Variants in GUCY2F observed in about 807,000 individuals in gnomAD.
GUCY2F encodes the protein retinal guanylyl cyclase 2.
A neutral mutation model predicts 73.1 loss-of-function variants in GUCY2F; 61 were observed. That is an observed-to-expected ratio of 0.83 (90% confidence interval 0.68 to 1.03). The LOEUF (loss-of-function observed/expected upper bound fraction) is 1.03, where lower values mean the gene tolerates loss of function less well. GUCY2F is among the 50% of genes least tolerant of loss of function. The pLI is 0.00. For missense variants in GUCY2F, 912 were observed against 854.3 expected (o/e 1.07, Z -0.84); for synonymous variants, 331 against 307.8 (o/e 1.08, Z -0.79).
In GUCY2F at chrX:109,392,957, C is replaced by T. The variant is rs764477548; in HGVS notation, c.2523G>A (p.Glu841=). Residue 841 remains glutamate (E), a synonymous_variant, in exon 13 of 20, where the codon GAG becomes GAA. Transcript: ENST00000218006. ...TTTCAATTTCCAGCTCTTCAGTCCG[C>T]TCCCGAATCAAATCTTCCAAGTTGC... ...YSSNLEDLIR[E]RTEELEIEKQ... 3.2e-5 allele frequency: 37 copies of T among 1,172,446 alleles called. No homozygotes were observed. The Admixed American group carries it at 5.0e-4, about 16-fold the overall frequency.
intron 8 of GUCY2F, among the ~76,000 whole-genome samples, chrX:109,421,894 G>A (rs1046006739): frequency 9.0e-6 from 1 of 111,218 alleles, no homozygotes; most frequent in African/African-American, 3.3e-5. Flanking sequence ...AATACAACTA[G>A]GCAATTTAAA....
At chrX:109,376,286 G>A in intron 17 of GUCY2F, 119 bp from the exon 18 acceptor site, 1 of 492,009 alleles carries the variant, frequency 2.0e-6, no homozygotes, top group Non-Finnish European at 3.5e-6. Flanking sequence ...CCTCCCTACG[G>A]GGCTGAGCCA....
At chrX:109,392,605 T>C (rs780132024) in intron 13 of GUCY2F, among the ~76,000 whole-genome samples, 1 of 111,529 alleles carries the variant, frequency 9.0e-6, no homozygotes, top group South Asian at 3.7e-4. Context: ...TTTTAATCGG[T>C]CAACCTCCTA....
chrX:109,476,558 T>C (rs1171349739), intron 1 of GUCY2F, among the ~76,000 whole-genome samples: 1 of 111,108 alleles, frequency 9.0e-6, no homozygotes, highest in Non-Finnish European at 1.9e-5. Context: ...GAGGATCACC[T>C]AAACCCAGAT....
chrX:109,376,824 T>G (rs1930191897), intron 17 of GUCY2F, among the ~76,000 whole-genome samples: 1 of 111,939 alleles, frequency 8.9e-6, no homozygotes, highest in Non-Finnish European at 1.9e-5. Context: ...TCAAATTTTC[T>G]GCCTCTGTTC....
chrX:109,435,350 G>A (rs1283940701), intron 7 of GUCY2F, among the ~76,000 whole-genome samples: 11 of 105,409 alleles, frequency 1.0e-4, no homozygotes, highest in African/African-American at 3.2e-4. Context: ...CACATCCCTT[G>A]TAAGTTGGAT....
Position 109,441,385 on chromosome X carries a change from G to C in GUCY2F, c.1667C>G (p.Ala556Gly), listed in dbSNP as rs764638274. 8.6e-7 allele frequency: 1 copy of C among 1,156,200 alleles called. No homozygotes were observed. The highest frequency in any genetic ancestry group is 1.2e-6 in the Non-Finnish European group (1 of 854,826). ...LSFSSGSLTP[A>G]TYENSNIAIY... Reference sequence around the variant, plus strand: ...CGCTATGTTGGAGTTTTCATAGGTAGCTGGAGTTAGACTCCCTGAAGAAAA... The same window carrying C: ...CGCTATGTTGGAGTTTTCATAGGTACCTGGAGTTAGACTCCCTGAAGAAAA... The change falls in exon 7 of 20, where the codon GCT becomes GGT. Residue 556 changes from alanine to glycine, a missense_variant. Coordinates refer to ENST00000218006, the MANE Select transcript of GUCY2F (RefSeq NM_001522.3).
At chrX:109,379,384 CA>C (rs3831758) in intron 17 of GUCY2F, among the ~76,000 whole-genome samples, 186 of 105,700 alleles carry the variant, frequency 1.8e-3, no homozygotes, top group African/African-American at 5.4e-3. Context: ...GTTCTCACCA[CA>C]AAAAAAAAAT....
rs1268023110 is a variant in GUCY2F, at chrX:109,465,445, T to C, written c.731-2A>G. 2.4e-5 allele frequency: 28 copies of C among 1,179,342 alleles called. No individual in the cohort carries two copies. The East Asian group carries it at 3.3e-4, about 14-fold the overall frequency. The stretch of plus-strand genomic sequence containing the variant: ...CTGAATGCATACACATGATGATTAC[T>C]GAAACCAACAAAGCAAGGAGGTTAT... On this transcript the variant is annotated splice_acceptor_variant, in intron 2 of 19. Coordinates refer to ENST00000218006, the MANE Select transcript of GUCY2F (RefSeq NM_001522.3). LOFTEE classifies it high-confidence loss of function.
chrX:109,453,712 T>A lies in GUCY2F; in HGVS notation c.1180A>T (p.Met394Leu). 4.2e-6 allele frequency: 5 copies of A among 1,203,185 alleles called. No individual in the cohort carries two copies. Among genetic ancestry groups the A allele is most frequent in the Non-Finnish European group, 5.6e-6 (5 of 887,695 alleles). The change falls in exon 4 of 20, where the codon ATG becomes TTG. Residue 394 changes from methionine (M) to leucine (L), a missense_variant. Met to Leu is a conservative substitution (Grantham distance 15). Transcript: ENST00000218006. ...NMQFHGFNQL[M>L]RTDSNGNGIS... is the part of the protein sequence containing the mutation. ...CCATTTCCATTTGAATCTGTCCTCATCAACTGGTTGAATCCATGGAACTGC... is the reference window on the plus strand; with the variant it reads ...CCATTTCCATTTGAATCTGTCCTCAACAACTGGTTGAATCCATGGAACTGC...
intron 3 of GUCY2F, 23 bp from the exon 4 acceptor site, chrX:109,453,882 T>C: frequency 1.1e-6 from 1 of 947,315 alleles, no homozygotes; most frequent in Non-Finnish European, 1.5e-6. Flanking sequence ...ATTACAATTA[T>C]CTTGAGCCCT....
intron 12 of GUCY2F, among the ~76,000 whole-genome samples, chrX:109,394,431 T>A (rs974182605): frequency 2.7e-5 from 3 of 112,187 alleles, no homozygotes; most frequent in African/African-American, 9.7e-5. Context: ...CATTGTTAGC[T>A]GGGGACACGG....
At chrX:109,413,495 C>T (rs765672120) in intron 8 of GUCY2F, among the ~76,000 whole-genome samples, 22 of 110,202 alleles carry the variant, frequency 2.0e-4, no homozygotes, top group South Asian at 4.0e-4. Flanking sequence ...ACCTCCGCCT[C>T]CCAGGTTCAA....
At chrX:109,434,636 T>C (rs955972805) in intron 7 of GUCY2F, among the ~76,000 whole-genome samples, 1 of 110,155 alleles carries the variant, frequency 9.1e-6, no homozygotes. Flanking sequence ...TTTAATTAGA[T>C]CCCATTTGTC....
chrX:109,454,185 G>T (rs1932206705), intron 3 of GUCY2F, among the ~76,000 whole-genome samples: 2 of 111,921 alleles, frequency 1.8e-5, no homozygotes, highest in South Asian at 7.4e-4. Context: ...AACAAGTATA[G>T]AATAGACAAG....
chrX:109,424,859 C>T (rs1213877778), intron 8 of GUCY2F, among the ~76,000 whole-genome samples: 9 of 109,904 alleles, frequency 8.2e-5, no homozygotes, highest in African/African-American at 2.7e-4. Context: ...CTCTGTCACC[C>T]GGGTTCAAGC....
intron 11 of GUCY2F, among the ~76,000 whole-genome samples, chrX:109,395,836 C>G (rs979011709): frequency 9.0e-6 from 1 of 111,578 alleles, no homozygotes; most frequent in African/African-American, 3.3e-5. Flanking sequence ...TCTAAGCCTT[C>G]CAATCCCCAC....
intron 8 of GUCY2F, among the ~76,000 whole-genome samples, chrX:109,413,811 G>A (rs775258811): frequency 9.0e-6 from 1 of 111,520 alleles, no homozygotes; most frequent in Admixed American, 9.5e-5. Flanking sequence ...ATCTCTACGT[G>A]TCCCTCTTCC....
chrX:109,418,338 A>T (rs1191402728), intron 8 of GUCY2F, among the ~76,000 whole-genome samples: 1 of 112,182 alleles, frequency 8.9e-6, no homozygotes, highest in East Asian at 2.7e-4. Flanking sequence ...ACTCTATACC[A>T]AACAACTGTA....
Sources: allele counts gnomAD v4.1 joint callset (sites outside exome capture counted in the v4.1 genomes callset), GRCh38; gene constraint gnomAD v4.1.1; transcripts MANE v1.5; gene names NCBI Gene and HGNC (gene_info 2026-07-23, HGNC 2026-07-21).